Variants in SLC30A5 observed in about 807,000 individuals in gnomAD.
SLC30A5 encodes the protein solute carrier family 30 member 5.
Under a neutral mutation model 79.6 loss-of-function variants are expected in SLC30A5, and 33 were observed. The ratio of observed to expected loss-of-function variants is 0.41; its 90% CI spans 0.31 to 0.55. The LOEUF is 0.55. Among genes scored for constraint, SLC30A5 ranks in the 20% least tolerant of loss-of-function variants. The pLI is 0.20. For synonymous variants in SLC30A5, 299 were observed against 319.7 expected, an observed-to-expected ratio of 0.94 and a Z score of 0.69; for missense variants, 788 against 928.1, an observed-to-expected ratio of 0.85 and a Z score of 1.96.
At chr5:69,104,128 T>A in intron 3 of SLC30A5, 1 of 1,394,464 alleles carries the variant, frequency 7.2e-7, no homozygotes, top group Non-Finnish European at 9.5e-7. Flanking sequence ...AACAGAATAC[T>A]GTCCTTTTTT....
At chr5:69,107,549 A>G (rs1319436158) in intron 4 of SLC30A5, among the ~76,000 whole-genome samples, 1 of 152,160 alleles carries the variant, frequency 6.6e-6, no homozygotes, top group African/African-American at 2.4e-5. Flanking sequence ...GTACTGTATT[A>G]TATGACTGGC....
At chr5:69,107,899 A>T (rs1318376911) in intron 4 of SLC30A5, among the ~76,000 whole-genome samples, 1 of 151,988 alleles carries the variant, frequency 6.6e-6, no homozygotes. Flanking sequence ...CGCCCAGCCA[A>T]TTTTTGTATT....
intron 12 of SLC30A5, among the ~76,000 whole-genome samples, chr5:69,121,329 T>G (rs1746527924): frequency 6.6e-6 from 1 of 152,194 alleles, no homozygotes; most frequent in Non-Finnish European, 1.5e-5. Flanking sequence ...TATAAAGATT[T>G]CAGGTACAGT....
chr5:69,094,627 C>G (rs1321976361), intron 1 of SLC30A5, among the ~76,000 whole-genome samples: 1 of 152,144 alleles, frequency 6.6e-6, no homozygotes. Flanking sequence ...TTTTTCTGAT[C>G]TGTGAGAAGC....
intron 1 of SLC30A5, among the ~76,000 whole-genome samples, chr5:69,097,211 A>G (rs1482303142): frequency 1.4e-5 from 2 of 139,364 alleles, no homozygotes; most frequent in African/African-American, 2.8e-5. Context: ...CGCCTCCCGG[A>G]TTCGCACCAT....
At chr5:69,117,444 T>A in intron 11 of SLC30A5, 48 bp downstream of exon 11, 1 of 1,488,354 alleles carries the variant, frequency 6.7e-7, no homozygotes. Context: ...GCAAATTCCA[T>A]CTTAAGGAAC....
intron 3 of SLC30A5, 135 bp downstream of exon 3, chr5:69,103,263 CT>C (rs1220209015): frequency 1.8e-6 from 1 of 567,236 alleles, no homozygotes; most frequent in Non-Finnish European, 3.2e-6. Context: ...TTAACTTGCT[CT>C]TGTCTTTTCA....
At chr5:69,102,212 A>G (rs1025179197) in intron 2 of SLC30A5, among the ~76,000 whole-genome samples, 5 of 151,096 alleles carry the variant, frequency 3.3e-5, no homozygotes, top group Non-Finnish European at 5.9e-5. Flanking sequence ...CACCATGGCC[A>G]GCTAATTTTT....
chr5:69,114,433 T>C lies in SLC30A5; in HGVS notation c.549T>C (p.His183=). The C allele has an allele frequency of 6.2e-7, 1 of 1,608,854 alleles. No homozygotes were observed. Among genetic ancestry groups the C allele is most frequent in the Non-Finnish European group, 8.5e-7 (1 of 1,175,562 alleles). The change falls in exon 7 of 16, where the codon CAT becomes CAC. Residue 183 remains histidine, a synonymous_variant. Coordinates refer to ENST00000396591, the MANE Select transcript of SLC30A5 (RefSeq NM_022902.5). ...AKMAEHPEGH[H]DSALTHMLYT... is the part of the protein sequence containing the mutation. ...CAACTCACTTAGCTGAAGGACATCA[T>C]GACAGTGCTCTAACTCATATGCTTT...
At chr5:69,129,206 C>G (rs1746783295) in intron 15 of SLC30A5, among the ~76,000 whole-genome samples, 1 of 152,068 alleles carries the variant, frequency 6.6e-6, no homozygotes. Context: ...TTTTTTAATA[C>G]TCGCATTACG....
chr5:69,127,557 T>C (rs992841135), intron 14 of SLC30A5, among the ~76,000 whole-genome samples: 7 of 151,716 alleles, frequency 4.6e-5, no homozygotes, highest in South Asian at 2.1e-4. Flanking sequence ...GGCAGGAGAA[T>C]TGCCTGAACC....
In SLC30A5 at chr5:69,108,004, A is replaced by G. The variant is rs537028695; in HGVS notation, c.360-345A>G. Among the ~76,000 whole-genome samples, 85 of 152,342 alleles carry G rather than the reference A, an allele frequency of 5.6e-4. 1 individual carries two copies. The highest frequency in any genetic ancestry group is 1.9e-3 in the African/African-American group (81 of 41,586). On this transcript the variant is annotated intron_variant, in intron 4 of 15. Transcript: ENST00000396591. ...CCTTGGGCTCCCAAAGTGCTGGATTATAGGTGTGAGCCACCATACCCAGCC... is the reference window on the plus strand; with the variant it reads ...CCTTGGGCTCCCAAAGTGCTGGATTGTAGGTGTGAGCCACCATACCCAGCC...
intron 4 of SLC30A5, among the ~76,000 whole-genome samples, chr5:69,106,053 T>C (rs1580171093): frequency 1.3e-5 from 2 of 152,164 alleles, no homozygotes; most frequent in South Asian, 4.1e-4. Context: ...AATAGTGGGG[T>C]AGACAGAGTG....
rs1352739971 is a variant in SLC30A5 at position 69,117,160 on chromosome 5, G to A, written c.1282-79G>A. ...TTATAGCAGATCTTCAAGTAAATTT[G>A]GATAATTAAGGGTTAAAATCCTCCT... On this transcript the variant is annotated intron_variant, in intron 10 of 15. Transcript: ENST00000396591. The A allele has an allele frequency of 8.0e-6, 9 of 1,121,508 alleles. No individual in the cohort carries two copies. In the African/African-American group the frequency reaches 1.1e-4, roughly 14 times the overall value. The allele number at this position is 1,121,508 out of a possible 1,614,324, so 69.5% of individuals were successfully genotyped here.
In SLC30A5 at chr5:69,116,188, T is replaced by C; in HGVS notation, c.1046T>C (p.Val349Ala). 6 of 1,611,802 alleles carry C rather than the reference T, an allele frequency of 3.7e-6. No homozygotes were observed. The highest frequency in any genetic ancestry group is 5.1e-6 in the Non-Finnish European group (6 of 1,179,200). Residue 349 changes from valine (V) to alanine (A), a missense_variant, in exon 9 of 16, where the codon GTA becomes GCA. Transcript: ENST00000396591. The surrounding 1 kb of genome is among the most constrained non-coding windows in gnomAD (Gnocchi z 4.0). ...STEHVLSGGV[V>A]VSAIFFILSA... ...GAACACGTCCTGTCTGGAGGAGTGG[T>C]AGTGAGTGCTATATTCTTCATTTTG...
chr5:69,101,695 G>A (rs1193493019), intron 2 of SLC30A5, among the ~76,000 whole-genome samples: 1 of 150,044 alleles, frequency 6.7e-6, no homozygotes, highest in African/African-American at 2.4e-5. Context: ...GGTGGCTCAT[G>A]CCTGTAATCC....
chr5:69,108,529 A>C, intron 5 of SLC30A5, 93 bp downstream of exon 5: 1 of 994,376 alleles, frequency 1.0e-6, no homozygotes, highest in East Asian at 2.5e-5. Flanking sequence ...ACCATTTAAA[A>C]GAATGCAGGA....
At position 69,103,794 on chromosome 5, in the gene SLC30A5, C is replaced by T. The variant is rs115715247; in HGVS notation, c.273+666C>T. On this transcript the variant is annotated intron_variant, in intron 3 of 15. Transcript: ENST00000396591. ...CTCACATCGTCACTTCTTTGGGCAGCAGTTATACCATAGTACATGTTTGCT... is the reference window on the plus strand; with the variant it reads ...CTCACATCGTCACTTCTTTGGGCAGTAGTTATACCATAGTACATGTTTGCT... 3.4e-3 allele frequency among the ~76,000 whole-genome samples: 514 copies of T among 152,338 alleles called. 4 individuals carry two copies. The highest frequency in any genetic ancestry group is 6.0e-3 in the Non-Finnish European group (409 of 68,042).
Position 69,095,287 on chromosome 5 carries a change from G to A in SLC30A5, c.83+949G>A, listed in dbSNP as rs897527518. Among the ~76,000 whole-genome samples the A allele has an allele frequency of 5.2e-5, 7 of 134,350 alleles. No individual in the cohort carries two copies. In the South Asian group the frequency reaches 1.2e-3, roughly 23 times the overall value. The allele number at this position is 134,350 out of a possible 152,430, so 88.1% of individuals were successfully genotyped here. A position where few individuals can be genotyped will look rare whatever the true frequency, so the allele number is the denominator to read the frequency against. On this transcript the variant is annotated intron_variant, in intron 1 of 15. Coordinates refer to ENST00000396591, the MANE Select transcript of SLC30A5 (RefSeq NM_022902.5). ...GCGATCTCGGCTCACGACAACCTCC[G>A]CTTCCCGGGTTCAAAAGATTCTCCT...
Sources: gnomAD v4.1 joint callset for allele counts (sites outside exome capture counted in the v4.1 genomes callset) on GRCh38, gnomAD v4.1.1 for gene constraint, Gnocchi (gnomAD v3.1) non-coding constraint, MANE v1.5 for transcripts, NCBI Gene and HGNC (gene_info 2026-07-23, HGNC 2026-07-21) for gene names.